Variants in FKBP9 observed in about 807,000 individuals in gnomAD.
FKBP9 encodes the protein FKBP prolyl isomerase 9.
Under a neutral mutation model 55.6 loss-of-function variants are expected in FKBP9, and 27 were observed. The ratio of observed to expected loss-of-function variants is 0.49; its 90% CI spans 0.36 to 0.67. The LOEUF (loss-of-function observed/expected upper bound fraction) is 0.67. FKBP9 is among the 30% of genes least tolerant of loss of function. The pLI, the probability that FKBP9 is intolerant of heterozygous loss-of-function variation, is 0.00. For missense variants in FKBP9, 539 were observed against 742.8 expected, an observed-to-expected ratio of 0.73 and a Z score of 3.19; for synonymous variants, 267 against 296.5, an observed-to-expected ratio of 0.90 and a Z score of 1.02.
In FKBP9 at chr7:32,965,884, T is replaced by TAGAGAG. The variant is rs376558399; in HGVS notation, c.221+8103_221+8108dup. ...ATATATATACATACATATATATATA[T>TAGAGAG]AGAGAGAGAGAGAGAGAGCCATGGG... On this transcript the variant is annotated intron_variant, in intron 1 of 9. Coordinates refer to ENST00000242209, the MANE Select transcript of FKBP9 (RefSeq NM_007270.5). Among the ~76,000 whole-genome samples, 42 of 110,378 alleles carry TAGAGAG rather than the reference T, an allele frequency of 3.8e-4. 3 individuals are homozygous for TAGAGAG. Among genetic ancestry groups the TAGAGAG allele is most frequent in the African/African-American group, 1.5e-3 (40 of 26,474 alleles). The allele number at this position is 110,378 out of a possible 152,430, so 72.4% of individuals were successfully genotyped here.
rs375152082 is a variant in FKBP9 at position 32,974,780 on chromosome 7, G to C, written c.367+18G>C. ...AGGAGTTTGTAAGCTTTTCTTCCTC[G>C]TTTATAAACACGTCAGCAGAAACAA... On this transcript the variant is annotated intron_variant, in intron 2 of 9. Transcript: ENST00000242209. 24 of 1,607,424 alleles carry C rather than the reference G, an allele frequency of 1.5e-5. No individual in the cohort carries two copies. In the South Asian group the frequency reaches 2.3e-4, roughly 16 times the overall value.
intron 5 of FKBP9, among the ~76,000 whole-genome samples, chr7:32,985,481 A>G (rs1311323377): frequency 1.4e-5 from 2 of 147,882 alleles, no homozygotes; most frequent in East Asian, 4.3e-4. Context: ...CCCCTGGCCC[A>G]GTGTTATTAA....
chr7:32,975,542 T>C (rs1784341521), intron 3 of FKBP9, among the ~76,000 whole-genome samples, 171 bp downstream of exon 3: 1 of 152,254 alleles, frequency 6.6e-6, no homozygotes. Flanking sequence ...GCATCTTCTC[T>C]GGTGCCAGAG....
chr7:32,971,042 G>A (rs1185210293), intron 1 of FKBP9, among the ~76,000 whole-genome samples: 2 of 150,340 alleles, frequency 1.3e-5, no homozygotes, highest in African/African-American at 4.9e-5. Context: ...AACTTTCCTG[G>A]AACAGCTTCG....
intron 1 of FKBP9, among the ~76,000 whole-genome samples, chr7:32,965,467 AT>A (rs1308674926): frequency 6.6e-6 from 1 of 151,998 alleles, no homozygotes; most frequent in African/African-American, 2.4e-5. Context: ...CTTATTGCAG[AT>A]TTAAACCTAC....
In FKBP9 at chr7:32,964,634, G is replaced by A. The variant is rs137980134; in HGVS notation, c.221+6840G>A. Among the ~76,000 whole-genome samples, 1,213 of 152,192 alleles carry A rather than the reference G, an allele frequency of 8.0e-3. 15 individuals are homozygous for A. Among genetic ancestry groups the A allele is most frequent in the African/African-American group, 0.028 (1,162 of 41,498 alleles). ...TCCTCTAACCTTCCTCCTCTGCAGCGTTCTCACACTTTCCCGTCTGGGTAG... is the reference window on the plus strand; with the variant it reads ...TCCTCTAACCTTCCTCCTCTGCAGCATTCTCACACTTTCCCGTCTGGGTAG... On this transcript the variant is annotated intron_variant, in intron 1 of 9. Coordinates refer to ENST00000242209, the MANE Select transcript of FKBP9 (RefSeq NM_007270.5).
intron 1 of FKBP9, among the ~76,000 whole-genome samples, chr7:32,968,988 G>A (rs1263913953): frequency 6.6e-6 from 1 of 152,142 alleles, no homozygotes. Flanking sequence ...GCATTTCTCT[G>A]CTGTTTAGTG....
rs759453763 is a variant in FKBP9 at position 33,005,270 on chromosome 7, C to A, written c.1632C>A (p.Asn544Lys). The change falls in exon 10 of 10, where the codon AAC becomes AAA. Residue 544 changes from asparagine to lysine, a missense_variant. Transcript: ENST00000242209. ...AELIVKNMFT[N>K]QDRNGDGKVT... is the part of the protein sequence containing the mutation. ...TGATTGTGAAGAATATGTTCACCAA[C>A]CAGGACCGGAATGGAGATGGGAAGG... The A allele has an allele frequency of 6.2e-7, 1 of 1,613,842 alleles. No individual in the cohort carries two copies. Among genetic ancestry groups the A allele is most frequent in the Non-Finnish European group, 8.5e-7 (1 of 1,180,028 alleles).
In FKBP9 at chr7:32,996,193, T is replaced by G. The variant is rs771222587; in HGVS notation, c.1070T>G (p.Phe357Cys). The G allele has an allele frequency of 6.2e-7, 1 of 1,614,170 alleles. No individual in the cohort carries two copies. The highest frequency in any genetic ancestry group is 2.2e-5 in the East Asian group (1 of 44,876). The change falls in exon 7 of 10, where the codon TTT becomes TGT. Residue 357 changes from phenylalanine to cysteine, a missense_variant. Around this residue, in one of 4 missense-constraint regions of FKBP9, gnomAD observed 172 missense variants for 205.3 expected, o/e 0.84. Coordinates refer to ENST00000242209, the MANE Select transcript of FKBP9 (RefSeq NM_007270.5). ...GNIPGSAVLVFDIHVIDFHNP... is the reference protein window; with the variant it reads ...GNIPGSAVLVCDIHVIDFHNP... ...ATCCCCGGCTCGGCTGTGCTGGTGTTTGACATCCATGTGATCGACTTCCAC... is the reference window on the plus strand; with the variant it reads ...ATCCCCGGCTCGGCTGTGCTGGTGTGTGACATCCATGTGATCGACTTCCAC...
intron 1 of FKBP9, among the ~76,000 whole-genome samples, chr7:32,967,308 T>C (rs917661162): frequency 6.6e-6 from 1 of 152,220 alleles, no homozygotes; most frequent in Non-Finnish European, 1.5e-5. Context: ...TTCACACTGT[T>C]GTGCAATATA....
chr7:32,959,210 C>A (rs1783968602), intron 1 of FKBP9, among the ~76,000 whole-genome samples: 1 of 151,616 alleles, frequency 6.6e-6, no homozygotes, highest in South Asian at 2.1e-4. Context: ...TCGAGACCAT[C>A]CTGGCTAACA....
At chr7:32,990,191 A>G (rs1170322165) in intron 6 of FKBP9, among the ~76,000 whole-genome samples, 1 of 152,188 alleles carries the variant, frequency 6.6e-6, no homozygotes, top group Admixed American at 6.5e-5. Context: ...AGATAGGAAT[A>G]GTATTCTAGA....
intron 1 of FKBP9, among the ~76,000 whole-genome samples, chr7:32,972,881 C>A (rs1443698806): frequency 6.6e-6 from 1 of 152,090 alleles, no homozygotes; most frequent in Admixed American, 6.6e-5. Flanking sequence ...CACCACCACG[C>A]CTGGCTAATT....
At chr7:32,977,806 T>C (rs898451851) in intron 4 of FKBP9, among the ~76,000 whole-genome samples, 1 of 145,316 alleles carries the variant, frequency 6.9e-6, no homozygotes, top group Admixed American at 6.9e-5. Context: ...TATATACTTA[T>C]ATATATATAT....
intron 7 of FKBP9, among the ~76,000 whole-genome samples, chr7:32,999,676 G>A (rs1583871753): frequency 1.3e-5 from 2 of 152,058 alleles, no homozygotes; most frequent in African/African-American, 4.8e-5. Context: ...CATTTCTCAG[G>A]GTTAAATTAA....
intron 5 of FKBP9, among the ~76,000 whole-genome samples, chr7:32,980,975 T>C (rs1320851589): frequency 6.7e-6 from 1 of 150,300 alleles, no homozygotes. Flanking sequence ...TGGGGGCTGT[T>C]TTAGATGGTT....
At chr7:32,975,627 A>T (rs1784349147) in intron 3 of FKBP9, among the ~76,000 whole-genome samples, 1 of 149,068 alleles carries the variant, frequency 6.7e-6, no homozygotes, top group Non-Finnish European at 1.5e-5. Context: ...AGATCTCATC[A>T]TTAAGTGAAA....
intron 6 of FKBP9, among the ~76,000 whole-genome samples, chr7:32,993,865 A>T (rs1335203195): frequency 6.6e-6 from 1 of 151,754 alleles, no homozygotes; most frequent in Non-Finnish European, 1.5e-5. Context: ...ATTCCTTTTT[A>T]TTGCTGAATG....
intron 1 of FKBP9, among the ~76,000 whole-genome samples, chr7:32,959,298 G>GGCTACGCA (rs1562560410): frequency 3.9e-5 from 6 of 152,022 alleles, no homozygotes; most frequent in Non-Finnish European, 8.8e-5. Context: ...CCAACTACGC[G>GGCTACGCA]GGAGGTTGAG....
Sources: gnomAD v4.1 joint callset for allele counts (sites outside exome capture counted in the v4.1 genomes callset) on GRCh38, gnomAD v4.1.1 for gene constraint, gnomAD v4.1.1 regional missense constraint, MANE v1.5 for transcripts, NCBI Gene and HGNC (gene_info 2026-07-23, HGNC 2026-07-21) for gene names.